The following VSIG8 variants were observed in gnomAD, a reference collection of about 807,000 sequenced individuals.
VSIG8 encodes V-set and immunoglobulin domain-containing protein 8.
VSIG8 carries 32 observed loss-of-function variants against 42.6 expected under a neutral mutation model. The observed-to-expected ratio is 0.75, with a 90% confidence interval of 0.57 to 1.01. The LOEUF (loss-of-function observed/expected upper bound fraction) is 1.01, where lower values mean the gene tolerates loss of function less well. VSIG8 is among the 50% of genes least tolerant of loss of function. The probability of loss-of-function intolerance (pLI) is 0.00; values close to 1 mark genes in which losing one functional copy is unlikely to be tolerated. For synonymous variants in VSIG8, 290 were observed against 243.8 expected (o/e 1.19, Z -1.77); for missense variants, 529 against 558.0 (o/e 0.95, Z 0.52).
At chr1:159,855,606 C>T (rs372982828) in intron 6 of VSIG8, 4 of 984,074 alleles carry the variant, frequency 4.1e-6, no homozygotes, top group East Asian at 1.1e-4. Flanking sequence ...AAAACATAGG[C>T]CCTGCCCTCC....
At position 159,855,174 on chromosome 1, in the gene VSIG8, A is replaced by G. The variant is rs112824339; in HGVS notation, c.972-148T>C. On this transcript the variant is annotated intron_variant, in intron 6 of 6. Coordinates refer to ENST00000368100, the MANE Select transcript of VSIG8 (RefSeq NM_001013661.1). The stretch of plus-strand genomic sequence containing the variant: ...CGTCTCTCTCCCTCGGCCTCGACCT[A>G]CTGTCCTTTGTGACCCTTCCTGGGT... The G allele has an allele frequency of 2.8e-3, 4,350 of 1,550,930 alleles. 94 individuals are homozygous for G. The African/African-American group carries it at 0.051, about 18-fold the overall frequency.
At chr1:159,861,450 A>G (rs1166510746) in intron 1 of VSIG8, 1 of 152,084 alleles carries the variant, frequency 6.6e-6, no homozygotes, top group Admixed American at 6.5e-5. Flanking sequence ...ACCCATTGAC[A>G]CACCACACAG....
intron 6 of VSIG8, chr1:159,855,636 AAGAC>A: frequency 3.1e-6 from 3 of 975,146 alleles, no homozygotes; most frequent in East Asian, 1.1e-4. Context: ...CAGTCTAGAC[AAGAC>A]AGACAGGTGC....
chr1:159,855,535 T>C lies in VSIG8; in HGVS notation c.971+348A>G, dbSNP rs547388387. On this transcript the variant is annotated intron_variant, in intron 6 of 6. Coordinates refer to ENST00000368100, the MANE Select transcript of VSIG8 (RefSeq NM_001013661.1). ...TAAGTTATTAGCACTATTCTTATTA[T>C]TAGCTCTTCTTAAATAATAATGTCA... is the stretch of plus-strand genomic sequence containing the variant. The C allele has an allele frequency of 1.1e-4, 106 of 985,362 alleles. No individual in the cohort carries two copies. The African/African-American group carries it at 1.5e-3, about 14-fold the overall frequency. 61.0% of individuals were successfully genotyped at this position (985,362 alleles called of 1,614,324 possible).
chr1:159,862,605 G>T lies in VSIG8; in HGVS notation c.-84C>A, dbSNP rs1164274803. The T allele has an allele frequency of 2.3e-6, 3 of 1,285,558 alleles. No homozygotes were observed. The highest frequency in any genetic ancestry group is 1.9e-4 in the Middle Eastern group (1 of 5,258). 79.6% of individuals were successfully genotyped at this position (1,285,558 alleles called of 1,614,324 possible). ...GGGTGTGAGGGGGTAGGTGGAGGGAGGGGGAGCTGAGGGCCCAGACACTGC... is the reference window on the plus strand; with the variant it reads ...GGGTGTGAGGGGGTAGGTGGAGGGATGGGGAGCTGAGGGCCCAGACACTGC... On this transcript the variant is annotated 5_prime_UTR_variant, in exon 1 of 7. Transcript: ENST00000368100.
intron 1 of VSIG8, chr1:159,861,272 T>C (rs965924324): frequency 1.1e-4 from 17 of 152,068 alleles, no homozygotes; most frequent in African/African-American, 4.1e-4. Flanking sequence ...CTTTACGGGG[T>C]GTCATCTCAA....
chr1:159,855,930 G>C lies in VSIG8; in HGVS notation c.924C>G (p.Gly308=). ...CGCAGGCCCCTCCGCCGACCCCGCC[G>C]CCGTTGCCGTAGCCGAAGGCACCGC... ...GARGAFGYGN[G]GGVGGGACGD... The change falls in exon 6 of 7, where the codon GGC becomes GGG. Residue 308 remains glycine, a synonymous_variant. Transcript: ENST00000368100. The C allele has an allele frequency of 6.4e-7, 1 of 1,567,356 alleles. No homozygotes were observed. The highest frequency in any genetic ancestry group is 8.6e-7 in the Non-Finnish European group (1 of 1,157,186).
intron 6 of VSIG8, chr1:159,855,545 T>C (rs1648787544): frequency 2.0e-6 from 2 of 985,218 alleles, no homozygotes; most frequent in South Asian, 9.4e-5. Context: ...TTAGCTCTTC[T>C]TAAATAATAA....
intron 5 of VSIG8, 128 bp from the exon 6 acceptor site, chr1:159,856,209 C>A: frequency 1.1e-6 from 1 of 929,474 alleles, no homozygotes; most frequent in Non-Finnish European, 1.6e-6. Flanking sequence ...GGTCTCTTAG[C>A]CCTGGAACAC....
Position 159,862,374 on chromosome 1 carries a change from C to A in VSIG8, c.49+99G>T, listed in dbSNP as rs1400748274. The A allele has an allele frequency of 8.2e-6, 11 of 1,348,538 alleles. No individual in the cohort carries two copies. The East Asian group carries it at 2.6e-4, about 32-fold the overall frequency. The allele number at this position is 1,348,538 out of a possible 1,614,324, so 83.5% of individuals were successfully genotyped here. A position where few individuals can be genotyped will look rare whatever the true frequency, so the allele number is the denominator to read the frequency against. On this transcript the variant is annotated intron_variant, in intron 1 of 6. Coordinates refer to ENST00000368100, the MANE Select transcript of VSIG8 (RefSeq NM_001013661.1). ...CAAGGGTGGGCAGCACCCTGCCAGG[C>A]AACTCAGGCAGCCCCAGGCTCCACT...
rs755035367 is a variant in VSIG8, at chr1:159,856,630, C to A, written c.666G>T (p.Gly222=). Residue 222 remains glycine, a synonymous_variant, in exon 5 of 7, where the codon GGG becomes GGT. Transcript: ENST00000368100. ...HSSINQGLNN[G]DLVLKDISRA... Reference sequence around the variant, plus strand: ...TGGAGATATCCTTCAACACCAGGTCCCCATTGTTCAGGCCTGAAAGTGAAG... The same window carrying A: ...TGGAGATATCCTTCAACACCAGGTCACCATTGTTCAGGCCTGAAAGTGAAG... 5 of 1,614,128 alleles carry A rather than the reference C, an allele frequency of 3.1e-6. No individual in the cohort carries two copies. The highest frequency in any genetic ancestry group is 3.4e-6 in the Non-Finnish European group (4 of 1,180,008).
Position 159,854,720 on chromosome 1 carries a change from T to A in VSIG8, c.*33A>T, listed in dbSNP as rs1194078968. ...GACAGAGAGCCCCGCGCCCTCCTCC[T>A]GGCTGGGGCGCAGCCCGGCCCGGCG... On this transcript the variant is annotated 3_prime_UTR_variant, in exon 7 of 7. Coordinates refer to ENST00000368100, the MANE Select transcript of VSIG8 (RefSeq NM_001013661.1). The A allele has an allele frequency of 2.1e-6, 3 of 1,435,066 alleles. No individual in the cohort carries two copies. In the African/African-American group the frequency reaches 4.5e-5, roughly 21 times the overall value. The allele number at this position is 1,435,066 out of a possible 1,614,324, so 88.9% of individuals were successfully genotyped here.
rs1434814960 is a variant in VSIG8, at chr1:159,854,804, C to G, written c.1194G>C (p.Pro398=). 6.6e-6 allele frequency: 10 copies of G among 1,504,202 alleles called. No individual in the cohort carries two copies. Among genetic ancestry groups the G allele is most frequent in the African/African-American group, 5.8e-5 (4 of 68,764 alleles). The allele number at this position is 1,504,202 out of a possible 1,614,324, so 93.2% of individuals were successfully genotyped here. A position where few individuals can be genotyped will look rare whatever the true frequency, so the allele number is the denominator to read the frequency against. The change falls in exon 7 of 7, where the codon CCG becomes CCC. Residue 398 remains proline (P), a synonymous_variant. Transcript: ENST00000368100. ...PVYVKVKSAE[P]ADCAEGPVQC... Reference sequence around the variant, plus strand: ...GCACCGGCCCCTCGGCGCAGTCAGCCGGCTCCGCGCTCTTGACCTTGACGT... The same window carrying G: ...GCACCGGCCCCTCGGCGCAGTCAGCGGGCTCCGCGCTCTTGACCTTGACGT...
Position 159,858,152 on chromosome 1 carries a change from G to A in VSIG8, c.368C>T (p.Thr123Ile). 6.2e-7 allele frequency: 1 copy of A among 1,614,232 alleles called. No individual in the cohort carries two copies. Among genetic ancestry groups the A allele is most frequent in the Non-Finnish European group, 8.5e-7 (1 of 1,180,040 alleles). Residue 123 changes from threonine to isoleucine, a missense_variant, in exon 3 of 7, where the codon ACT becomes ATT. By Grantham distance (89) the Thr-to-Ile change is moderately conservative. Transcript: ENST00000368100. ...LMNLQVSDTA[T>I]YECRVKKTTM... ...GGTCTTCTTCACCCGGCACTCATAA[G>A]TGGCTGTATCAGATACCTGCAGGTT... is the stretch of plus-strand genomic sequence containing the variant.
chr1:159,857,651 T>C (rs575224629), intron 4 of VSIG8, 94 bp downstream of exon 4: 20 of 1,000,434 alleles, frequency 2.0e-5, no homozygotes, highest in Middle Eastern at 2.8e-4. Context: ...CAGGTTTGAT[T>C]TGATGGCACT....
chr1:159,855,979 C>A lies in VSIG8; in HGVS notation c.875G>T (p.Gly292Val), dbSNP rs767337805. ...GIWGLVCCCCGGSGAGGARGA... is the reference protein window; with the variant it reads ...GIWGLVCCCCVGSGAGGARGA... Reference sequence around the variant, plus strand: ...GCGGGCGCCGCCAGCCCCGGAGCCCCCGCAGCAGCAGCAGACGAGCCCCCA... The same window carrying A: ...GCGGGCGCCGCCAGCCCCGGAGCCCACGCAGCAGCAGCAGACGAGCCCCCA... Residue 292 changes from glycine to valine, a missense_variant, in exon 6 of 7, where the codon GGG (glycine) becomes GTG (valine). Gly to Val is a moderately radical substitution (Grantham distance 109). Transcript: ENST00000368100. 6.2e-7 allele frequency: 1 copy of A among 1,600,308 alleles called. No homozygotes were observed. Among genetic ancestry groups the A allele is most frequent in the East Asian group, 2.3e-5 (1 of 44,086 alleles).
Position 159,854,938 on chromosome 1 carries a change from G to A in VSIG8, c.1060C>T (p.Arg354Cys). 1.3e-6 allele frequency: 2 copies of A among 1,520,418 alleles called. No individual in the cohort carries two copies. The highest frequency in any genetic ancestry group is 1.8e-6 in the Non-Finnish European group (2 of 1,141,710). The allele number at this position is 1,520,418 out of a possible 1,614,324, so 94.2% of individuals were successfully genotyped here. ...LLGYPTQNVS[R>C]SLRRKYAPPP... Reference sequence around the variant, plus strand: ...GGCGCGTACTTGCGGCGCAGGGAGCGGCTGACGTTCTGCGTCGGGTACCCC... The same window carrying A: ...GGCGCGTACTTGCGGCGCAGGGAGCAGCTGACGTTCTGCGTCGGGTACCCC... The change falls in exon 7 of 7, where the codon CGC becomes TGC. Residue 354 changes from arginine (R) to cysteine (C), a missense_variant. By Grantham distance (180) the Arg-to-Cys change is radical. Transcript: ENST00000368100.
chr1:159,854,848 C>A lies in VSIG8; in HGVS notation c.1150G>T (p.Ala384Ser), dbSNP rs944254563. The change falls in exon 7 of 7, where the codon GCG becomes TCG. Residue 384 changes from alanine to serine, a missense_variant. Physicochemically the swap from Ala to Ser is moderately conservative, Grantham distance 99. Coordinates refer to ENST00000368100, the MANE Select transcript of VSIG8 (RefSeq NM_001013661.1). Reference sequence around the variant, plus strand: ...TTGACGTAGACCGGGGAGGGGCCCGCTTCGCAGGCGGCGGCGGCGGTGCAG... The same window carrying A: ...TTGACGTAGACCGGGGAGGGGCCCGATTCGCAGGCGGCGGCGGCGGTGCAG... Reference protein sequence around the residue: ...APCTAAAACEAGPSPVYVKVK... With the variant: ...APCTAAAACESGPSPVYVKVK... 89 of 1,483,552 alleles carry A rather than the reference C, an allele frequency of 6.0e-5. No homozygotes were observed. Among genetic ancestry groups the A allele is most frequent in the Middle Eastern group, 1.9e-4 (1 of 5,166 alleles). The allele number at this position is 1,483,552 out of a possible 1,614,324, so 91.9% of individuals were successfully genotyped here.
In VSIG8 at chr1:159,862,555, G is replaced by C. The variant is rs1649057760; in HGVS notation, c.-34C>G. 1 of 1,607,706 alleles carries C rather than the reference G, an allele frequency of 6.2e-7. No homozygotes were observed. The highest frequency in any genetic ancestry group is 8.5e-7 in the Non-Finnish European group (1 of 1,176,046). On this transcript the variant is annotated 5_prime_UTR_variant, in exon 1 of 7. Coordinates refer to ENST00000368100, the MANE Select transcript of VSIG8 (RefSeq NM_001013661.1). ...GCTCGGTGTTTCCTCCGTCTGGGCT[G>C]GGTATCCCGTGGGGTCGTAGTGGTG...
Sources: allele counts gnomAD v4.1 joint callset, GRCh38; gene constraint gnomAD v4.1.1; transcripts MANE v1.5; gene names NCBI Gene and HGNC (gene_info 2026-07-23, HGNC 2026-07-21).